The following STX17 variants were observed in gnomAD, a reference collection of about 807,000 sequenced individuals.
STX17 encodes the protein syntaxin-17.
Under a neutral mutation model 35.9 loss-of-function variants are expected in STX17, and 29 were observed. That is an observed-to-expected ratio of 0.81 (90% CI 0.60 to 1.10). The LOEUF is 1.10. STX17 is among the 50% of genes least tolerant of loss of function. STX17 has a pLI of 0.00. For missense variants in STX17, 312 were observed against 352.3 expected (o/e 0.89, Z 0.92); for synonymous variants, 92 against 118.3 (o/e 0.78, Z 1.44).
At chr9:99,927,473 A>T (rs1366959281) in intron 2 of STX17, among the ~76,000 whole-genome samples, 6 of 151,810 alleles carry the variant, frequency 4.0e-5, no homozygotes, top group Admixed American at 2.0e-4. Context: ...AAATATTTTT[A>T]TTTATTTATT....
intron 3 of STX17, chr9:99,929,736 GAT>G (rs1397789130): frequency 6.6e-6 from 1 of 151,308 alleles, no homozygotes; most frequent in Non-Finnish European, 1.5e-5. Context: ...TGATTATGGA[GAT>G]ATTGTTTTCT....
intron 1 of STX17, among the ~76,000 whole-genome samples, chr9:99,908,516 A>AC (rs957611678): frequency 8.8e-4 from 134 of 152,304 alleles, no homozygotes; most frequent in African/African-American, 3.1e-3. Flanking sequence ...TTGTTATCCT[A>AC]CACTTGTGTT....
At chr9:99,960,177 ATGCAGAATTGT>A in intron 6 of STX17, 22 bp downstream of exon 6, 3 of 1,609,040 alleles carry the variant, frequency 1.9e-6, no homozygotes, top group Non-Finnish European at 2.5e-6. Flanking sequence ...ACTGTTTTGG[ATGCAGAATTGT>A]TGGATTATTA....
chr9:99,908,560 T>C (rs1217835127), intron 1 of STX17, among the ~76,000 whole-genome samples: 3 of 152,338 alleles, frequency 2.0e-5, no homozygotes, highest in South Asian at 2.1e-4. Context: ...GCTTTGATCA[T>C]TGGGAGTTTT....
intron 2 of STX17, among the ~76,000 whole-genome samples, chr9:99,926,124 T>C (rs1711971688): frequency 6.6e-6 from 1 of 152,018 alleles, no homozygotes; most frequent in Admixed American, 6.5e-5. Flanking sequence ...ATCTAGTGCA[T>C]TTTTTAATTT....
chr9:99,928,473 C>G (rs1324979517), intron 2 of STX17, among the ~76,000 whole-genome samples: 1 of 151,938 alleles, frequency 6.6e-6, no homozygotes, highest in East Asian at 1.9e-4. Context: ...CATTCTAATT[C>G]TTTATATTTT....
At chr9:99,939,975 G>A (rs1378511371) in intron 3 of STX17, among the ~76,000 whole-genome samples, 1 of 151,970 alleles carries the variant, frequency 6.6e-6, no homozygotes, top group East Asian at 1.9e-4. Context: ...TTTTTCATCA[G>A]CCTCCGCTCA....
rs746586133 is a variant in STX17 at position 99,967,650 on chromosome 9, T to C, written c.583-3T>C. The C allele has an allele frequency of 6.2e-7, 1 of 1,613,642 alleles. No individual in the cohort carries two copies. Reference sequence around the variant, plus strand: ...CGCTCACTCATAATTCCTTTGCATCTAGTCTCAGCAGGAGAAGATTGACAG... The same window carrying C: ...CGCTCACTCATAATTCCTTTGCATCCAGTCTCAGCAGGAGAAGATTGACAG... On this transcript the variant is annotated splice_region_variant and splice_polypyrimidine_tract_variant and intron_variant, in intron 6 of 7. Transcript: ENST00000259400.
intron 4 of STX17, among the ~76,000 whole-genome samples, chr9:99,952,527 T>C (rs1281795209): frequency 6.6e-6 from 1 of 152,198 alleles, no homozygotes; most frequent in Non-Finnish European, 1.5e-5. Context: ...ATCCCATTAC[T>C]GGGTATATAC....
At chr9:99,967,195 G>A (rs1423924037) in intron 6 of STX17, 1 of 164,536 alleles carries the variant, frequency 6.1e-6, no homozygotes, top group Non-Finnish European at 1.3e-5. Context: ...TGTATTTATT[G>A]GACCAAGGGC....
intron 1 of STX17, 23 bp downstream of exon 1, chr9:99,906,729 C>T (rs1388016146): frequency 1.3e-5 from 2 of 152,142 alleles, no homozygotes; most frequent in Non-Finnish European, 2.9e-5. Context: ...CTGGAGGCCG[C>T]CTTTGGGGGC....
At chr9:99,948,397 T>A (rs563544424) in intron 3 of STX17, among the ~76,000 whole-genome samples, 2 of 152,260 alleles carry the variant, frequency 1.3e-5, no homozygotes, top group East Asian at 1.9e-4. Flanking sequence ...AAAAAATTTT[T>A]AAATTACATA....
At position 99,929,124 on chromosome 9, in the gene STX17, A is replaced by G. The variant is rs1829054524; in HGVS notation, c.189+281A>G. 5 of 229,516 alleles carry G rather than the reference A, an allele frequency of 2.2e-5. No individual in the cohort carries two copies. In the East Asian group the frequency reaches 4.2e-4, roughly 19 times the overall value. 14.2% of individuals were successfully genotyped at this position (229,516 alleles called of 1,614,324 possible). ...AACATTGGTATTACCCATTTCTTAA[A>G]TTTTTGCTAATTGATAGGTTAAAAT... On this transcript the variant is annotated intron_variant, in intron 3 of 7. Coordinates refer to ENST00000259400, the MANE Select transcript of STX17 (RefSeq NM_017919.3).
chr9:99,915,399 CAT>C (rs781303795), intron 2 of STX17, 37 bp downstream of exon 2: 78 of 1,565,874 alleles, frequency 5.0e-5, no homozygotes, highest in Non-Finnish European at 5.7e-5. Flanking sequence ...GAAATAGTTA[CAT>C]AGTTTGATTT....
At chr9:99,919,621 G>A (rs773547740) in intron 2 of STX17, among the ~76,000 whole-genome samples, 11 of 152,098 alleles carry the variant, frequency 7.2e-5, no homozygotes, top group Non-Finnish European at 1.3e-4. Flanking sequence ...TTGTCATTTA[G>A]TGGGATTTTG....
rs767845986 is a variant in STX17, at chr9:99,968,481, C to T, written c.717C>T (p.Ile239=). 1.2e-5 allele frequency: 20 copies of T among 1,601,442 alleles called. No individual in the cohort carries two copies. Among genetic ancestry groups the T allele is most frequent in the Middle Eastern group, 1.7e-4 (1 of 5,996 alleles). Residue 239 remains isoleucine (I), a synonymous_variant, in exon 8 of 8, where the codon ATC becomes ATT. Transcript: ENST00000259400. The part of the protein sequence containing the change: ...LAALPVAGAL[I]GGMVGGPIGL... ...CTCTGCCTGTGGCAGGTGCACTCATCGGGGGAATGGTAGGGGGTCCTATTG... is the reference window on the plus strand; with the variant it reads ...CTCTGCCTGTGGCAGGTGCACTCATTGGGGGAATGGTAGGGGGTCCTATTG...
chr9:99,939,992 G>A (rs1347236581), intron 3 of STX17, among the ~76,000 whole-genome samples: 1 of 152,024 alleles, frequency 6.6e-6, no homozygotes, highest in Non-Finnish European at 1.5e-5. Context: ...CTCATTCTGG[G>A]CTCTAACTTT....
chr9:99,923,422 G>T (rs1370579098), intron 2 of STX17, among the ~76,000 whole-genome samples: 2 of 152,074 alleles, frequency 1.3e-5, no homozygotes, highest in Non-Finnish European at 2.9e-5. Context: ...AGTAAGTTAG[G>T]TTACCCAGGC....
At position 99,912,750 on chromosome 9, in the gene STX17, A is replaced by G. The variant is rs1484920988; in HGVS notation, c.-62-2428A>G. On this transcript the variant is annotated intron_variant, in intron 1 of 7. Coordinates refer to ENST00000259400, the MANE Select transcript of STX17 (RefSeq NM_017919.3). ...ATTATAGAAAATTATTTACATGGAAACATTTTTATTATACTTCATCACACT... is the reference window on the plus strand; with the variant it reads ...ATTATAGAAAATTATTTACATGGAAGCATTTTTATTATACTTCATCACACT... Among the ~76,000 whole-genome samples the G allele has an allele frequency of 1.3e-5, 2 of 152,188 alleles. 1 individual carries two copies. Among genetic ancestry groups the G allele is most frequent in the Non-Finnish European group, 2.9e-5 (2 of 68,024 alleles).
Sources: allele counts gnomAD v4.1 joint callset (sites outside exome capture counted in the v4.1 genomes callset), GRCh38; gene constraint gnomAD v4.1.1; transcripts MANE v1.5; gene names NCBI Gene and HGNC (gene_info 2026-07-23, HGNC 2026-07-21).